Variants in SNRPN observed in about 807,000 individuals in gnomAD.
SNRPN encodes small nuclear ribonucleoprotein-associated protein N.
In SNRPN, 7 loss-of-function variants were observed where a neutral mutation model predicts 25.2. That is an observed-to-expected ratio of 0.28 (90% confidence interval 0.16 to 0.52). The LOEUF (loss-of-function observed/expected upper bound fraction) is 0.52. Among genes scored for constraint, SNRPN ranks in the 20% least tolerant of loss-of-function variants. SNRPN has a pLI of 0.96. For synonymous variants in SNRPN, 124 were observed against 110.6 expected (o/e 1.12, Z -0.76); for missense variants, 196 against 322.5 (o/e 0.61, Z 3.00).
intron 1 of SNRPN, among the ~76,000 whole-genome samples, chr15:24,863,969 T>C (rs2054269103): frequency 6.7e-6 from 1 of 150,254 alleles, no homozygotes; most frequent in Non-Finnish European, 1.5e-5. Context: ...ATTTAGATTA[T>C]CGATTTTTAG....
At chr15:24,936,085 C>T (rs546381520) in intron 3 of SNRPN, among the ~76,000 whole-genome samples, 7 of 151,516 alleles carry the variant, frequency 4.6e-5, no homozygotes, top group East Asian at 1.9e-4. Context: ...ACTGCACTCC[C>T]GCCTGGGCAA....
At chr15:24,967,818 A>G in intron 2 of SNRPN, 114 bp from the exon 3 acceptor site, 1 of 925,638 alleles carries the variant, frequency 1.1e-6, no homozygotes, top group Non-Finnish European at 1.6e-6. Context: ...GAAAAAAAAA[A>G]AAAAAAAAAA....
At chr15:24,879,439 C>A (rs1386295758) in intron 1 of SNRPN, among the ~76,000 whole-genome samples, 326 of 145,110 alleles carry the variant, frequency 2.2e-3, no homozygotes, top group Middle Eastern at 7.2e-3. Context: ...TCTGTCTCTA[C>A]AAAAAAAAAA....
At chr15:24,894,101 A>G (rs1204608401) in intron 2 of SNRPN, among the ~76,000 whole-genome samples, 3 of 152,186 alleles carry the variant, frequency 2.0e-5, no homozygotes, top group Admixed American at 2.0e-4. Flanking sequence ...AATGGGTTGC[A>G]ACCCACATGT....
Position 24,866,343 on chromosome 15 carries a change from T to G in SNRPN, c.-579+9627T>G, listed in dbSNP as rs142756878. Among the ~76,000 whole-genome samples the G allele has an allele frequency of 9.2e-5, 14 of 152,294 alleles. No homozygotes were observed. In the East Asian group the frequency reaches 2.7e-3, roughly 29 times the overall value. Reference sequence around the variant, plus strand: ...TGGCTAAATCCAGCTAATTAACATGTGTATTACCTCACATAGTTATCATTT... The same window carrying G: ...TGGCTAAATCCAGCTAATTAACATGGGTATTACCTCACATAGTTATCATTT... On this transcript the variant is annotated intron_variant, in intron 1 of 11. Coordinates refer to the SNRPN transcript ENST00000400097.
intron 3 of SNRPN, among the ~76,000 whole-genome samples, chr15:24,972,015 G>A (rs1480812004): frequency 6.6e-6 from 1 of 152,160 alleles, no homozygotes; most frequent in African/African-American, 2.4e-5. Flanking sequence ...TAGCACTTGG[G>A]GAGGCTGAGG....
intron 2 of SNRPN, among the ~76,000 whole-genome samples, chr15:24,963,927 G>A (rs1208943070): frequency 6.6e-6 from 1 of 152,012 alleles, no homozygotes; most frequent in African/African-American, 2.4e-5. Context: ...AGCTACCTGG[G>A]AGGCTGAAGT....
chr15:24,899,776 CCTCTAA>C (rs1489170714), intron 2 of SNRPN, among the ~76,000 whole-genome samples: 1 of 152,214 alleles, frequency 6.6e-6, no homozygotes, highest in African/African-American at 2.4e-5. Context: ...TTCTGTGTAG[CCTCTAA>C]CAAGCTCTGG....
chr15:24,954,567 G>A (rs143075845), upstream of SNRPN, among the ~76,000 whole-genome samples: 353 of 152,310 alleles, frequency 2.3e-3, 1 homozygote, highest in African/African-American at 7.6e-3. Context: ...CAAGTCTGGC[G>A]TATTTGCATT....
chr15:24,955,158 A>T (rs568085420), intron 1 of SNRPN, 96 bp downstream of exon 1: 1 of 1,536,256 alleles, frequency 6.5e-7, no homozygotes, highest in African/African-American at 1.4e-5. Context: ...GGAGTACTGA[A>T]TAAACGGAAT....
At chr15:24,948,740 A>G (rs541840312) in intron 3 of SNRPN, among the ~76,000 whole-genome samples, 2 of 152,120 alleles carry the variant, frequency 1.3e-5, no homozygotes, top group East Asian at 1.9e-4. Flanking sequence ...ATGTCCCTCA[A>G]TTAGGGTTTT....
chr15:24,832,633 C>A (rs1378619005), intron 2 of SNRPN, among the ~76,000 whole-genome samples: 1 of 151,944 alleles, frequency 6.6e-6, no homozygotes, highest in Non-Finnish European at 1.5e-5. Context: ...CCTTTCCACG[C>A]AATGGAAGGT....
At chr15:24,864,939 G>A (rs1005194386) in intron 1 of SNRPN, among the ~76,000 whole-genome samples, 1 of 151,302 alleles carries the variant, frequency 6.6e-6, no homozygotes, top group Non-Finnish European at 1.5e-5. Flanking sequence ...TATAAATTTG[G>A]AAAGAAAAAG....
intron 1 of SNRPN, among the ~76,000 whole-genome samples, chr15:24,824,300 C>G (rs527959600): frequency 6.6e-6 from 1 of 152,008 alleles, no homozygotes; most frequent in African/African-American, 2.4e-5. Flanking sequence ...ACTGAGAGTC[C>G]CATTCTGAAT....
chr15:24,890,099 G>C (rs533157443), intron 2 of SNRPN, among the ~76,000 whole-genome samples: 1 of 150,082 alleles, frequency 6.7e-6, no homozygotes, highest in South Asian at 2.1e-4. Flanking sequence ...CTGGCATACT[G>C]AGTATTTTAA....
At chr15:24,954,325 G>A (rs552626365), upstream of SNRPN, among the ~76,000 whole-genome samples, 3 of 152,092 alleles carry the variant, frequency 2.0e-5, no homozygotes, top group African/African-American at 7.2e-5. Flanking sequence ...CTTAGGTGGG[G>A]GTCTAAGTTC....
intron 1 of SNRPN, among the ~76,000 whole-genome samples, chr15:24,859,293 T>A (rs1200614304): frequency 1.3e-5 from 2 of 152,052 alleles, no homozygotes; most frequent in East Asian, 3.9e-4. Context: ...TGAGCATTAT[T>A]CCCAACCATT....
chr15:24,877,661 AACACACAC>A (rs72120147), intron 1 of SNRPN, among the ~76,000 whole-genome samples: 26,724 of 144,556 alleles, frequency 0.18, 2,671 homozygotes, highest in African/African-American at 0.26. Flanking sequence ...ATCTCTACAA[AACACACAC>A]ACACACACAC....
At chr15:24,837,582 G>A (rs2051318164) in intron 2 of SNRPN, among the ~76,000 whole-genome samples, 1 of 151,848 alleles carries the variant, frequency 6.6e-6, no homozygotes, top group Non-Finnish European at 1.5e-5. Flanking sequence ...TGTTAGCTAG[G>A]ATGGTCTCGA....
Sources: gnomAD v4.1 joint callset for allele counts (sites outside exome capture counted in the v4.1 genomes callset) on GRCh38, gnomAD v4.1.1 for gene constraint, MANE v1.5 for transcripts, NCBI Gene and HGNC (gene_info 2026-07-23, HGNC 2026-07-21) for gene names.